IL1RAPL2: variants seen among roughly 807,000 people sequenced by gnomAD.
IL1RAPL2 encodes the protein X-linked interleukin-1 receptor accessory protein-like 2.
IL1RAPL2 carries 3 observed loss-of-function variants against 44.1 expected under a neutral mutation model. That is an observed-to-expected ratio of 0.07 (90% CI 0.03 to 0.18). The LOEUF (loss-of-function observed/expected upper bound fraction) is 0.18, where lower values mean the gene tolerates loss of function less well. Among genes scored for constraint, IL1RAPL2 ranks in the 10% least tolerant of loss-of-function variants. The pLI is 1.00. For missense variants in IL1RAPL2, 391 were observed against 496.4 expected, an observed-to-expected ratio of 0.79 and a Z score of 2.02; for synonymous variants, 181 against 178.8, an observed-to-expected ratio of 1.01 and a Z score of -0.10.
intron 2 of IL1RAPL2, among the ~76,000 whole-genome samples, chrX:104,721,817 A>G (rs1213643380): frequency 8.9e-6 from 1 of 112,048 alleles, no homozygotes; most frequent in Non-Finnish European, 1.9e-5. Flanking sequence ...ATTATTGACC[A>G]TAATAATGCT....
intron 6 of IL1RAPL2, among the ~76,000 whole-genome samples, chrX:105,494,385 A>G (rs1360317918): frequency 1.8e-5 from 2 of 112,038 alleles, no homozygotes; most frequent in Non-Finnish European, 3.8e-5. Flanking sequence ...TAATTCAAAT[A>G]TTTTATATAA....
intron 5 of IL1RAPL2, among the ~76,000 whole-genome samples, chrX:105,483,464 G>A (rs1204496445): frequency 1.8e-5 from 2 of 111,288 alleles, no homozygotes; most frequent in African/African-American, 3.3e-5. Context: ...ATCTTTTTGA[G>A]AATCTTCTGA....
chrX:105,274,555 A>G lies in IL1RAPL2; in HGVS notation c.697+7014A>G, dbSNP rs1214193476. Among the ~76,000 whole-genome samples, 5 of 112,370 alleles carry G rather than the reference A, an allele frequency of 4.4e-5. No homozygotes were observed. In the Admixed American group the frequency reaches 4.7e-4, roughly 11 times the overall value. On this transcript the variant is annotated intron_variant, in intron 5 of 10. Coordinates refer to ENST00000372582, the MANE Select transcript of IL1RAPL2 (RefSeq NM_017416.2). ...ACATAAATCAGTGCCTACTGTGTAC[A>G]GTAAGAAGTTCAGGATCCAAGTTTG...
intron 2 of IL1RAPL2, among the ~76,000 whole-genome samples, chrX:104,675,999 A>G (rs777489834): frequency 8.8e-4 from 94 of 106,674 alleles, no homozygotes; most frequent in African/African-American, 3.0e-3. Flanking sequence ...GTGTCTCTGC[A>G]CGTGAGATGG....
intron 6 of IL1RAPL2, among the ~76,000 whole-genome samples, chrX:105,550,234 A>G (rs1290844519): frequency 8.9e-6 from 1 of 112,082 alleles, no homozygotes; most frequent in Non-Finnish European, 1.9e-5. Context: ...CTCCACCACA[A>G]TTAGCTTAGC....
chrX:104,611,240 T>C (rs772114058), intron 1 of IL1RAPL2, among the ~76,000 whole-genome samples: 26 of 111,513 alleles, frequency 2.3e-4, no homozygotes, highest in Non-Finnish European at 3.8e-4. Context: ...TGTTTAAGTC[T>C]TCAGAAGCTG....
chrX:105,540,616 T>G (rs1322844883), intron 6 of IL1RAPL2, among the ~76,000 whole-genome samples: 1 of 106,478 alleles, frequency 9.4e-6, no homozygotes, highest in Non-Finnish European at 1.9e-5. Context: ...AATATTTTTC[T>G]CCACCTCATT....
At chrX:104,604,539 AGTGTG>A (rs755349099) in intron 1 of IL1RAPL2, among the ~76,000 whole-genome samples, 1 of 104,485 alleles carries the variant, frequency 9.6e-6, no homozygotes, top group Non-Finnish European at 1.9e-5. Flanking sequence ...AAGACCCATC[AGTGTG>A]CTGTATTCAG....
At chrX:105,048,593 G>T (rs1054964838) in intron 2 of IL1RAPL2, among the ~76,000 whole-genome samples, 1 of 110,976 alleles carries the variant, frequency 9.0e-6, no homozygotes, top group South Asian at 3.8e-4. Context: ...TATAATTACA[G>T]CATATTTCAA....
chrX:105,390,219 C>T (rs919422398), intron 5 of IL1RAPL2, among the ~76,000 whole-genome samples: 4 of 111,359 alleles, frequency 3.6e-5, no homozygotes, highest in Non-Finnish European at 1.9e-5. Context: ...TAACACACTT[C>T]AGTGGGTTTC....
At chrX:105,081,990 A>C (rs2032415037) in intron 2 of IL1RAPL2, among the ~76,000 whole-genome samples, 1 of 111,935 alleles carries the variant, frequency 8.9e-6, no homozygotes, top group African/African-American at 3.2e-5. Context: ...CTGGCTTCAT[A>C]AAATGAGTTA....
At chrX:104,635,872 TC>T (rs1929790569) in intron 1 of IL1RAPL2, among the ~76,000 whole-genome samples, 1 of 112,423 alleles carries the variant, frequency 8.9e-6, no homozygotes, top group Non-Finnish European at 1.9e-5. Context: ...CCAGCTTTGT[TC>T]CATTGCTGGT....
At chrX:104,912,515 TATG>T (rs1416898202) in intron 2 of IL1RAPL2, among the ~76,000 whole-genome samples, 3 of 111,756 alleles carry the variant, frequency 2.7e-5, no homozygotes. Context: ...GGCAAATCAA[TATG>T]ATAATGAGAG....
At chrX:105,255,795 G>A (rs973123874) in intron 4 of IL1RAPL2, among the ~76,000 whole-genome samples, 9 of 111,608 alleles carry the variant, frequency 8.1e-5, no homozygotes, top group Middle Eastern at 9.4e-3. Flanking sequence ...TGGGTTTGCC[G>A]TAGATGGTTC....
intron 1 of IL1RAPL2, among the ~76,000 whole-genome samples, chrX:104,612,509 G>A (rs747083264): frequency 9.0e-6 from 1 of 111,158 alleles, no homozygotes; most frequent in East Asian, 2.8e-4. Flanking sequence ...TTATTTCTAC[G>A]TTCTGTATTC....
chrX:105,093,732 A>G (rs1469523181), intron 2 of IL1RAPL2, among the ~76,000 whole-genome samples: 1 of 111,668 alleles, frequency 9.0e-6, no homozygotes, highest in Non-Finnish European at 1.9e-5. Flanking sequence ...AATTATAGCT[A>G]ACCTACTACA....
At chrX:104,602,690 C>T (rs1388692470) in intron 1 of IL1RAPL2, among the ~76,000 whole-genome samples, 2 of 111,177 alleles carry the variant, frequency 1.8e-5, no homozygotes, top group South Asian at 4.0e-4. Context: ...GGCAGTATTA[C>T]GCTCACAGTG....
At chrX:105,266,422 G>A (rs769845777) in intron 4 of IL1RAPL2, among the ~76,000 whole-genome samples, 2 of 111,451 alleles carry the variant, frequency 1.8e-5, no homozygotes, top group African/African-American at 6.5e-5. Flanking sequence ...TACAGCATTC[G>A]GCTACCACTT....
intron 6 of IL1RAPL2, among the ~76,000 whole-genome samples, chrX:105,668,138 T>C: frequency 9.0e-6 from 1 of 111,635 alleles, no homozygotes; most frequent in Non-Finnish European, 1.9e-5. Flanking sequence ...CTGTCCCATC[T>C]TTGAATTGAC....
Sources: allele counts gnomAD v4.1 joint callset (sites outside exome capture counted in the v4.1 genomes callset), GRCh38; gene constraint gnomAD v4.1.1; transcripts MANE v1.5; gene names NCBI Gene and HGNC (gene_info 2026-07-23, HGNC 2026-07-21).